The following ITIH1 variants were observed in gnomAD, a reference collection of about 807,000 sequenced individuals.
The protein encoded by ITIH1 is inter-alpha-trypsin inhibitor heavy chain H1.
Under a neutral mutation model 104.6 loss-of-function variants are expected in ITIH1, and 94 were observed. The ratio of observed to expected loss-of-function variants is 0.90; its 90% CI spans 0.76 to 1.07. The LOEUF (loss-of-function observed/expected upper bound fraction) is 1.07, where lower values mean the gene tolerates loss of function less well. Ranked by LOEUF, ITIH1 falls within the 50% of genes least tolerant of loss-of-function variation. The pLI, the probability that ITIH1 is intolerant of heterozygous loss-of-function variation, is 0.00. For missense variants in ITIH1, 1,193 were observed against 1,181.4 expected (o/e 1.01, Z -0.14); for synonymous variants, 455 against 464.4 (o/e 0.98, Z 0.26).
chr3:52,780,564 A>G (rs944236055), intron 6 of ITIH1, among the ~76,000 whole-genome samples, 182 bp downstream of exon 6: 1 of 152,210 alleles, frequency 6.6e-6, no homozygotes, highest in African/African-American at 2.4e-5. Context: ...TGGTTCTCAG[A>G]GCAATTTAGC....
At chr3:52,784,521 GGAGCCCT>G in intron 11 of ITIH1, 44 bp downstream of exon 11, 1 of 1,587,904 alleles carries the variant, frequency 6.3e-7, no homozygotes, top group Middle Eastern at 1.7e-4. Flanking sequence ...CATGCCATAG[GGAGCCCT>G]GCCTTGGTGG....
intron 6 of ITIH1, 54 bp from the exon 7 acceptor site, chr3:52,781,886 A>G: frequency 6.3e-7 from 1 of 1,598,988 alleles, no homozygotes. Context: ...CTTTGCAAAC[A>G]TCTTGTTTGT....
chr3:52,791,018 C>A, intron 20 of ITIH1, 97 bp downstream of exon 20: 1 of 1,271,512 alleles, frequency 7.9e-7, no homozygotes, highest in Non-Finnish European at 1.1e-6. Context: ...AGCTGGGCAC[C>A]AGGACAGGCC....
At position 52,790,872 on chromosome 3, in the gene ITIH1, C is replaced by G; in HGVS notation, c.2445C>G (p.Phe815Leu). ...GSSVHQDFLG[F>L]YVLDSHRMSA... ...CGGTCCACCAGGACTTCCTGGGCTTCTATGTGCTGGACAGTCATCGGATGT... is the reference window on the plus strand; with the variant it reads ...CGGTCCACCAGGACTTCCTGGGCTTGTATGTGCTGGACAGTCATCGGATGT... The change falls in exon 20 of 22, where the codon TTC becomes TTG. Residue 815 changes from phenylalanine to leucine, a missense_variant. Coordinates refer to ENST00000273283, the MANE Select transcript of ITIH1 (RefSeq NM_002215.4). The G allele has an allele frequency of 5.0e-6, 8 of 1,612,624 alleles. No individual in the cohort carries two copies. Among genetic ancestry groups the G allele is most frequent in the Non-Finnish European group, 6.8e-6 (8 of 1,179,438 alleles).
chr3:52,784,250 G>A (rs1699139593), intron 10 of ITIH1, 46 bp from the exon 11 acceptor site: 2 of 1,558,026 alleles, frequency 1.3e-6, no homozygotes, highest in East Asian at 4.6e-5. Context: ...TGCCCCACAT[G>A]CCTGTGGGCC....
chr3:52,779,804 C>A lies in ITIH1; in HGVS notation c.573+210C>A. 9.0e-7 allele frequency: 1 copy of A among 1,112,048 alleles called. No homozygotes were observed. Among genetic ancestry groups the A allele is most frequent in the Non-Finnish European group, 1.2e-6 (1 of 803,536 alleles). 68.9% of individuals were successfully genotyped at this position (1,112,048 alleles called of 1,614,324 possible). ...CTCTTTATCTCTGAGCTTCGGTTTG[C>A]TCATCTGCTAGACGGGGGGTTTCTG... On this transcript the variant is annotated intron_variant, in intron 5 of 21. Transcript: ENST00000273283. This position sits in a 1 kb window ranked among gnomAD's most constrained non-coding sequence, Gnocchi z 4.4.
intron 11 of ITIH1, 119 bp from the exon 12 acceptor site, chr3:52,784,925 T>C: frequency 1.0e-6 from 1 of 982,694 alleles, no homozygotes; most frequent in East Asian, 2.5e-5. Context: ...CTACTTGACC[T>C]CTCGGACCCT....
chr3:52,791,400 A>G lies in ITIH1; in HGVS notation c.2495-117A>G, dbSNP rs761372288. The G allele has an allele frequency of 4.0e-5, 29 of 719,744 alleles. No homozygotes were observed. The Middle Eastern group carries it at 7.2e-4, about 18-fold the overall frequency. The allele number at this position is 719,744 out of a possible 1,614,324, so 44.6% of individuals were successfully genotyped here. Reference sequence around the variant, plus strand: ...GCTGGGACTGTTAGCAGAAACAGTCAAGCCCTGGAAAAAAAGCGGTCCAGC... The same window carrying G: ...GCTGGGACTGTTAGCAGAAACAGTCGAGCCCTGGAAAAAAAGCGGTCCAGC... On this transcript the variant is annotated intron_variant, in intron 20 of 21. Transcript: ENST00000273283.
intron 11 of ITIH1, among the ~76,000 whole-genome samples, chr3:52,784,832 G>A (rs1482776403): frequency 1.3e-5 from 2 of 150,046 alleles, no homozygotes; most frequent in Non-Finnish European, 2.9e-5. Flanking sequence ...CTGAGATTGT[G>A]CCACTGCACT....
intron 12 of ITIH1, 51 bp from the exon 13 acceptor site, chr3:52,786,244 G>A: frequency 6.5e-7 from 1 of 1,543,190 alleles, no homozygotes; most frequent in East Asian, 2.4e-5. Flanking sequence ...GCACCAGCCA[G>A]GGGCCGTGCT....
At chr3:52,781,162 C>G (rs1260280807) in intron 6 of ITIH1, among the ~76,000 whole-genome samples, 1 of 150,984 alleles carries the variant, frequency 6.6e-6, no homozygotes, top group Non-Finnish European at 1.5e-5. Context: ...CATCCTTTCT[C>G]TCCTCTTCCT....
rs575024087 is a variant in ITIH1, at chr3:52,779,337, G to A, written c.411-95G>A. 2 of 1,345,086 alleles carry A rather than the reference G, an allele frequency of 1.5e-6. No homozygotes were observed. Among genetic ancestry groups the A allele is most frequent in the South Asian group, 2.4e-5 (2 of 82,680 alleles). The allele number at this position is 1,345,086 out of a possible 1,614,324, so 83.3% of individuals were successfully genotyped here. ...AAACCTGGGAGCAACACTCATCTAA[G>A]AGAAATAAATTCTGTGGGCCACATG... On this transcript the variant is annotated intron_variant, in intron 4 of 21. Transcript: ENST00000273283. The surrounding 1 kb of genome is among the most constrained non-coding windows in gnomAD (Gnocchi z 4.4).
intron 21 of ITIH1, 48 bp from the exon 22 acceptor site, chr3:52,791,733 CT>C: frequency 6.2e-7 from 1 of 1,605,464 alleles, no homozygotes; most frequent in Non-Finnish European, 8.5e-7. Flanking sequence ...TGGGGAGGTG[CT>C]GCCCTACTGG....
At chr3:52,780,510 A>T in intron 6 of ITIH1, 128 bp downstream of exon 6, 3 of 641,624 alleles carry the variant, frequency 4.7e-6, no homozygotes, top group Admixed American at 2.9e-5. Flanking sequence ...AGGATGAGAG[A>T]AGCTGGTGTC....
chr3:52,789,987 G>A (rs774979150), intron 19 of ITIH1, 133 bp downstream of exon 19: 239 of 855,510 alleles, frequency 2.8e-4, no homozygotes, highest in Non-Finnish European at 4.2e-4. Context: ...AGACATGTCA[G>A]ACTCCATGGC....
At chr3:52,780,918 C>A (rs1046499764) in intron 6 of ITIH1, among the ~76,000 whole-genome samples, 2 of 152,258 alleles carry the variant, frequency 1.3e-5, no homozygotes, top group Non-Finnish European at 2.9e-5. Flanking sequence ...GGGCAATGCC[C>A]TGCTTCCTGA....
Position 52,791,613 on chromosome 3 carries a change from G to T in ITIH1, c.2591G>T (p.Arg864Leu). The change falls in exon 21 of 22, where the codon CGG (arginine) becomes CTG (leucine). Residue 864 changes from arginine to leucine, a missense_variant. Coordinates refer to ENST00000273283, the MANE Select transcript of ITIH1 (RefSeq NM_002215.4). ...GCCACGATGGTGGTGAGGAACCGCC[G>T]GCTCACGGTCACCAGGTGGGTGGGC... Reference protein sequence around the residue: ...PDATMVVRNRRLTVTRGLQKD... With the variant: ...PDATMVVRNRLLTVTRGLQKD... 1 of 1,613,898 alleles carries T rather than the reference G, an allele frequency of 6.2e-7. No homozygotes were observed. Among genetic ancestry groups the T allele is most frequent in the Non-Finnish European group, 8.5e-7 (1 of 1,179,918 alleles).
chr3:52,791,730 G>A, intron 21 of ITIH1, 52 bp from the exon 22 acceptor site: 2 of 1,606,306 alleles, frequency 1.2e-6, no homozygotes, highest in East Asian at 2.2e-5. Flanking sequence ...TCCTGGGGAG[G>A]TGCTGCCCTA....
At position 52,782,037 on chromosome 3, in the gene ITIH1, T is replaced by A. The variant is rs766204009; in HGVS notation, c.785T>A (p.Val262Asp). 6 of 1,614,132 alleles carry A rather than the reference T, an allele frequency of 3.7e-6. No individual in the cohort carries two copies. The highest frequency in any genetic ancestry group is 4.2e-6 in the Non-Finnish European group (5 of 1,180,026). ...LNGHFKVTYD[V>D]SRDKICDLLV... ...GGGCACTTCAAGGTGACCTACGATG[T>A]CAGTCGAGACAAGATCTGCGACCTC... The change falls in exon 7 of 22, where the codon GTC becomes GAC. Residue 262 changes from valine to aspartate, a missense_variant. Physicochemically the swap from Val to Asp is radical, Grantham distance 152. Coordinates refer to ENST00000273283, the MANE Select transcript of ITIH1 (RefSeq NM_002215.4).
Sources: gnomAD v4.1 joint callset for allele counts (sites outside exome capture counted in the v4.1 genomes callset) on GRCh38, gnomAD v4.1.1 for gene constraint, Gnocchi (gnomAD v3.1) non-coding constraint, MANE v1.5 for transcripts, NCBI Gene and HGNC (gene_info 2026-07-23, HGNC 2026-07-21) for gene names.